Variants in OBP2A observed in about 807,000 individuals in gnomAD.
OBP2A encodes odorant-binding protein 2a.
A neutral mutation model predicts 21.9 loss-of-function variants in OBP2A; 15 were observed. The ratio of observed to expected loss-of-function variants is 0.69; its 90% confidence interval spans 0.46 to 1.06. OBP2A has a LOEUF of 1.06. OBP2A is among the 50% of genes least tolerant of loss of function. OBP2A has a pLI of 0.00. For missense variants in OBP2A, 192 were observed against 220.1 expected, an observed-to-expected ratio of 0.87 and a Z score of 0.81; for synonymous variants, 86 against 91.8, an observed-to-expected ratio of 0.94 and a Z score of 0.36.
intron 4 of OBP2A, among the ~76,000 whole-genome samples, chr9:135,548,402 T>C (rs183722657): frequency 6.8e-6 from 1 of 146,990 alleles, no homozygotes; most frequent in Non-Finnish European, 1.5e-5. Context: ...CCCCCTGGGG[T>C]TGCTGAGTGG....
At chr9:135,546,756 T>A in intron 1 of OBP2A, 22 bp from the exon 2 acceptor site, 2 of 1,587,370 alleles carry the variant, frequency 1.3e-6, no homozygotes. Context: ...CATGGTGGGC[T>A]CACGGCCTTG....
At chr9:135,548,185 C>A (rs996767270) in intron 4 of OBP2A, among the ~76,000 whole-genome samples, 4 of 152,210 alleles carry the variant, frequency 2.6e-5, no homozygotes, top group Non-Finnish European at 5.9e-5. Context: ...GGGACAGACA[C>A]GGCCCTCGGT....
chr9:135,548,847 T>C, intron 5 of OBP2A, 38 bp downstream of exon 5: 1 of 1,603,774 alleles, frequency 6.2e-7, no homozygotes, highest in Non-Finnish European at 8.5e-7. Flanking sequence ...TGTTCCCCTG[T>C]GTCTCTGTGT....
At chr9:135,548,595 C>G in intron 4 of OBP2A, 113 bp from the exon 5 acceptor site, 4 of 1,505,292 alleles carry the variant, frequency 2.7e-6, no homozygotes, top group Middle Eastern at 4.4e-4. Flanking sequence ...GATCCACTCT[C>G]GGGCCTCTCC....
intron 4 of OBP2A, among the ~76,000 whole-genome samples, chr9:135,548,418 AC>A (rs1278491696): frequency 6.6e-6 from 1 of 151,142 alleles, no homozygotes; most frequent in African/African-American, 2.4e-5. Context: ...AGTGGCTTGG[AC>A]CCTGCCACTG....
intron 4 of OBP2A, among the ~76,000 whole-genome samples, chr9:135,548,185 C>T (rs996767270): frequency 2.6e-5 from 4 of 152,210 alleles, no homozygotes; most frequent in Admixed American, 1.3e-4. Context: ...GGGACAGACA[C>T]GGCCCTCGGT....
chr9:135,549,905 A>T lies in OBP2A; in HGVS notation c.*70A>T, dbSNP rs954441881. On this transcript the variant is annotated 3_prime_UTR_variant, in exon 7 of 7. Coordinates refer to ENST00000371776, the MANE Select transcript of OBP2A (RefSeq NM_014582.3). ...CACAGAGCCCGGACCACCTGGACCTACCCTCCAGCCATGACCCTTCCCTGC... is the reference window on the plus strand; with the variant it reads ...CACAGAGCCCGGACCACCTGGACCTTCCCTCCAGCCATGACCCTTCCCTGC... 2.6e-6 allele frequency: 4 copies of T among 1,547,860 alleles called. No homozygotes were observed. In the East Asian group the frequency reaches 9.9e-5, roughly 38 times the overall value.
In OBP2A at chr9:135,547,269, C is replaced by T. The variant is rs12344721; in HGVS notation, c.277+21C>T. ...CGCCTGTGAGCCCCTCCCCGACCCCCCACTCCCCATGCCCAACCCCGGATG... is the reference window on the plus strand; with the variant it reads ...CGCCTGTGAGCCCCTCCCCGACCCCTCACTCCCCATGCCCAACCCCGGATG... On this transcript the variant is annotated intron_variant, in intron 3 of 6. Coordinates refer to ENST00000371776, the MANE Select transcript of OBP2A (RefSeq NM_014582.3). 3.6e-3 allele frequency: 5,835 copies of T among 1,613,022 alleles called. 183 individuals are homozygous for T. The African/African-American group carries it at 0.069, about 19-fold the overall frequency.
intron 4 of OBP2A, chr9:135,548,500 T>C (rs1832015073): frequency 1.5e-6 from 1 of 648,878 alleles, no homozygotes; most frequent in East Asian, 2.8e-5. Context: ...CCCTGAGCTC[T>C]TGTCCATTCT....
intron 1 of OBP2A, 147 bp from the exon 2 acceptor site, chr9:135,546,631 C>A: frequency 3.6e-6 from 5 of 1,374,746 alleles, no homozygotes; most frequent in Non-Finnish European, 4.9e-6. Flanking sequence ...TCCAGCTGAG[C>A]TCTAACTAAG....
rs780187180 is a variant in OBP2A at position 135,548,699 on chromosome 9, C to T, written c.389-9C>T. The T allele has an allele frequency of 6.2e-6, 10 of 1,613,860 alleles. No individual in the cohort carries two copies. In the South Asian group the frequency reaches 9.9e-5, roughly 16 times the overall value. On this transcript the variant is annotated splice_polypyrimidine_tract_variant and intron_variant, in intron 4 of 6. Transcript: ENST00000371776. ...CCCACCTTGGCTCACCTGGCCACCT[C>T]ACCTGCAGGTAGGAATCCTAATACC...
At chr9:135,546,307 G>A (rs1471619464) in intron 1 of OBP2A, 55 bp downstream of exon 1, 2 of 1,456,192 alleles carry the variant, frequency 1.4e-6, no homozygotes, top group Non-Finnish European at 9.4e-7. Flanking sequence ...CTGGGCAGGG[G>A]GCAGTGCCAG....
In OBP2A at chr9:135,546,380, T is replaced by G. The variant is rs904457921; in HGVS notation, c.72+128T>G. 15 of 633,964 alleles carry G rather than the reference T, an allele frequency of 2.4e-5. No homozygotes were observed. In the East Asian group the frequency reaches 4.1e-4, roughly 17 times the overall value. 39.3% of individuals were successfully genotyped at this position (633,964 alleles called of 1,614,324 possible). A position where few individuals can be genotyped will look rare whatever the true frequency, so the allele number is the denominator to read the frequency against. On this transcript the variant is annotated intron_variant, in intron 1 of 6. Coordinates refer to ENST00000371776, the MANE Select transcript of OBP2A (RefSeq NM_014582.3). ...CTGACCCCGTGCTCCCAGCCTGGGGTGGTGGTGGAGGGGTCCTATTGTTCC... is the reference window on the plus strand; with the variant it reads ...CTGACCCCGTGCTCCCAGCCTGGGGGGGTGGTGGAGGGGTCCTATTGTTCC...
chr9:135,547,177 G>A lies in OBP2A; in HGVS notation c.207-1G>A, dbSNP rs780869544. On this transcript the variant is annotated splice_acceptor_variant, in intron 2 of 6. Coordinates refer to ENST00000371776, the MANE Select transcript of OBP2A (RefSeq NM_014582.3). LOFTEE classifies it high-confidence loss of function. ...CTGCCCGAGTGTCTCCTGTTTTCCAGGAGGGAGGATCGGTGCATCCAGAAG... is the reference window on the plus strand; with the variant it reads ...CTGCCCGAGTGTCTCCTGTTTTCCAAGAGGGAGGATCGGTGCATCCAGAAG... The A allele has an allele frequency of 1.9e-6, 3 of 1,612,276 alleles. No homozygotes were observed. The highest frequency in any genetic ancestry group is 2.2e-5 in the East Asian group (1 of 44,852).
chr9:135,547,245 G>A lies in OBP2A; in HGVS notation c.274G>A (p.Ala92Thr), dbSNP rs368244666. Residue 92 changes from alanine (A) to threonine (T), a missense_variant, in exon 3 of 7, where the codon GCC (alanine) becomes ACC (threonine). By Grantham distance (58) the Ala-to-Thr change is moderately conservative. Transcript: ENST00000371776. ...GACGGAGGAGCCTGGCAAATTCAGC[G>A]CCTGTGAGCCCCTCCCCGACCCCCC... ...RKTEEPGKFS[A>T]YGGRKLIYLQ... 3.7e-5 allele frequency: 60 copies of A among 1,613,548 alleles called. 1 individual carries two copies. The East Asian group carries it at 7.4e-4, about 20-fold the overall frequency.
Position 135,549,876 on chromosome 9 carries a change from C to T in OBP2A, c.*41C>T. 6 of 1,549,184 alleles carry T rather than the reference C, an allele frequency of 3.9e-6. No homozygotes were observed. The highest frequency in any genetic ancestry group is 5.2e-6 in the Non-Finnish European group (6 of 1,146,272). The stretch of plus-strand genomic sequence containing the variant: ...GCACCTCCAGAGCCCACCCTACCAC[C>T]AGACACAGAGCCCGGACCACCTGGA... On this transcript the variant is annotated 3_prime_UTR_variant, in exon 7 of 7. Transcript: ENST00000371776.
At chr9:135,548,631 G>A (rs575880264) in intron 4 of OBP2A, 77 bp from the exon 5 acceptor site, 113 of 1,598,126 alleles carry the variant, frequency 7.1e-5, no homozygotes, top group African/African-American at 2.8e-4. Flanking sequence ...GGCCGTGGTC[G>A]TCTCCTTTTA....
chr9:135,546,741 C>T (rs1286400232), intron 1 of OBP2A, 37 bp from the exon 2 acceptor site: 2 of 1,563,472 alleles, frequency 1.3e-6, no homozygotes, highest in South Asian at 2.4e-5. Flanking sequence ...AGAATCTGGG[C>T]CACCCATGGT....
chr9:135,547,902 G>A lies in OBP2A; in HGVS notation c.309G>A (p.Glu103=). The change falls in exon 4 of 7, where the codon GAG becomes GAA. Residue 103 remains glutamate, a synonymous_variant. Transcript: ENST00000371776. Reference sequence around the variant, plus strand: ...GCAGGAAGCTCATATACCTGCAGGAGCTGCCCGGGACGGACGACTACGTCT... The same window carrying A: ...GCAGGAAGCTCATATACCTGCAGGAACTGCCCGGGACGGACGACTACGTCT... ...YGGRKLIYLQ[E]LPGTDDYVFY... 1 of 1,612,916 alleles carries A rather than the reference G, an allele frequency of 6.2e-7. No homozygotes were observed. The highest frequency in any genetic ancestry group is 8.5e-7 in the Non-Finnish European group (1 of 1,179,510).
Sources: allele counts gnomAD v4.1 joint callset (sites outside exome capture counted in the v4.1 genomes callset), GRCh38; gene constraint gnomAD v4.1.1; transcripts MANE v1.5; gene names NCBI Gene and HGNC (gene_info 2026-07-23, HGNC 2026-07-21).